The following NRTN variants were observed in gnomAD, a reference collection of about 807,000 sequenced individuals.
The protein encoded by NRTN is prepro-neurturin.
In NRTN, 3 loss-of-function variants were observed where a neutral mutation model predicts 7.5. The observed-to-expected ratio is 0.40, with a 90% CI of 0.18 to 1.03. The LOEUF (loss-of-function observed/expected upper bound fraction) is 1.03. Among genes scored for constraint, NRTN ranks in the 50% least tolerant of loss-of-function variants. The probability of loss-of-function intolerance (pLI) is 0.34; values close to 1 mark genes in which losing one functional copy is unlikely to be tolerated. For missense variants in NRTN, 310 were observed against 307.0 expected, an observed-to-expected ratio of 1.01 and a Z score of -0.07; for synonymous variants, 157 against 146.6, an observed-to-expected ratio of 1.07 and a Z score of -0.51.
intron 1 of NRTN, among the ~76,000 whole-genome samples, chr19:5,816,367 C>T (rs2057005220): frequency 6.6e-6 from 1 of 152,078 alleles, no homozygotes; most frequent in African/African-American, 2.4e-5. Flanking sequence ...TTTCTCTTCT[C>T]ATCTTCTTTT....
At chr19:5,808,091 A>G (rs1242042360) in intron 1 of NRTN, among the ~76,000 whole-genome samples, 3 of 152,136 alleles carry the variant, frequency 2.0e-5, no homozygotes, top group Non-Finnish European at 4.4e-5. Context: ...TCAAAAGAAG[A>G]AAGACAAGAT....
Position 5,824,286 on chromosome 19 carries a change from C to T in NRTN, c.121C>T (p.His41Tyr). ...HRLGPALVPL[H>Y]RLPRTLDARI... is the part of the protein sequence containing the mutation. ...CCTCGGACCTGCGCTGGTCCCCCTG[C>T]ACCGCCTGCCTCGAACCCTGGACGC... is the stretch of plus-strand genomic sequence containing the variant. The change falls in exon 2 of 3, where the codon CAC becomes TAC. Residue 41 changes from histidine to tyrosine, a missense_variant. By Grantham distance (83) the His-to-Tyr change is moderately conservative (BLOSUM62 2). Coordinates refer to ENST00000303212, the MANE Select transcript of NRTN (RefSeq NM_004558.5). The T allele has an allele frequency of 6.2e-7, 1 of 1,609,578 alleles. No individual in the cohort carries two copies. Among genetic ancestry groups the T allele is most frequent in the South Asian group, 1.1e-5 (1 of 90,546 alleles).
At position 5,824,008 on chromosome 19, in the gene NRTN, G is replaced by T. The variant is rs2144766976; in HGVS notation, c.-158G>T. ...AGGCCAACCCCTTCCTTGTTCAATGGTTCCTTGAGGGACCATTCCCATGTG... is the reference window on the plus strand; with the variant it reads ...AGGCCAACCCCTTCCTTGTTCAATGTTTCCTTGAGGGACCATTCCCATGTG... On this transcript the variant is annotated 5_prime_UTR_variant, in exon 2 of 3. Transcript: ENST00000303212. 1.0e-6 allele frequency: 1 copy of T among 994,312 alleles called. No homozygotes were observed. The highest frequency in any genetic ancestry group is 1.5e-6 in the Non-Finnish European group (1 of 662,568). The allele number at this position is 994,312 out of a possible 1,614,324, so 61.6% of individuals were successfully genotyped here. A position where few individuals can be genotyped will look rare whatever the true frequency, so the allele number is the denominator to read the frequency against.
At chr19:5,812,356 C>T (rs1385535198) in intron 1 of NRTN, among the ~76,000 whole-genome samples, 2 of 152,118 alleles carry the variant, frequency 1.3e-5, no homozygotes, top group Non-Finnish European at 2.9e-5. Context: ...AGGAAGCCAG[C>T]GATAGTTCTA....
rs746981059 is a variant in NRTN, at chr19:5,824,269, C to G, written c.104C>G (p.Pro35Arg). The change falls in exon 2 of 3, where the codon CCT becomes CGT. Residue 35 changes from proline to arginine, a missense_variant. Transcript: ENST00000303212. ...EGLLLSHRLGPALVPLHRLPR... is the reference protein window; with the variant it reads ...EGLLLSHRLGRALVPLHRLPR... Reference sequence around the variant, plus strand: ...CTGCTTCTCAGCCACCGCCTCGGACCTGCGCTGGTCCCCCTGCACCGCCTG... The same window carrying G: ...CTGCTTCTCAGCCACCGCCTCGGACGTGCGCTGGTCCCCCTGCACCGCCTG... 7 of 1,610,886 alleles carry G rather than the reference C, an allele frequency of 4.3e-6. No individual in the cohort carries two copies. The Admixed American group carries it at 1.2e-4, about 27-fold the overall frequency.
chr19:5,817,825 A>C (rs891443139), intron 1 of NRTN, among the ~76,000 whole-genome samples: 2 of 152,142 alleles, frequency 1.3e-5, no homozygotes. Flanking sequence ...TTCCAGACGG[A>C]GTCTTGCTCT....
In NRTN at chr19:5,828,302, T is replaced by G. The variant is rs2057057607; in HGVS notation, c.*129T>G. The stretch of plus-strand genomic sequence containing the variant: ...CCCGGGACTCTCGCGATAACTGTAC[T>G]GAGATAAAGTGTGGCAACTCGAGCT... On this transcript the variant is annotated 3_prime_UTR_variant, in exon 3 of 3. Transcript: ENST00000303212. 3 of 1,026,294 alleles carry G rather than the reference T, an allele frequency of 2.9e-6. No homozygotes were observed. Among genetic ancestry groups the G allele is most frequent in the African/African-American group, 1.7e-5 (1 of 58,968 alleles). The allele number at this position is 1,026,294 out of a possible 1,614,324, so 63.6% of individuals were successfully genotyped here.
intron 2 of NRTN, among the ~76,000 whole-genome samples, chr19:5,825,995 C>T (rs577554598): frequency 9.9e-5 from 15 of 152,186 alleles, no homozygotes; most frequent in African/African-American, 3.4e-4. Context: ...ATTAGCCGGG[C>T]GTGGTGGCGG....
At chr19:5,825,491 T>A (rs974486315) in intron 2 of NRTN, among the ~76,000 whole-genome samples, 5 of 152,244 alleles carry the variant, frequency 3.3e-5, no homozygotes, top group Non-Finnish European at 5.9e-5. Context: ...AAGGGTGGCC[T>A]CCAGCACGAG....
chr19:5,805,438 G>A lies in NRTN; in HGVS notation c.-412G>A, dbSNP rs2056972332. ...CGCGGCCGCCACTGACGGGTAGTCC[G>A]GCGCCCACAGCAGGTAAGCAAGGGG... On this transcript the variant is annotated 5_prime_UTR_variant, in exon 1 of 3. Transcript: ENST00000303212. Among the ~76,000 whole-genome samples, 1 of 151,428 alleles carries A rather than the reference G, an allele frequency of 6.6e-6. No individual in the cohort carries two copies.
intron 1 of NRTN, among the ~76,000 whole-genome samples, chr19:5,815,349 G>A (rs1417403569): frequency 1.3e-5 from 2 of 151,914 alleles, no homozygotes; most frequent in African/African-American, 4.8e-5. Context: ...GTTCAAGTGT[G>A]TGTGTGTGTG....
At chr19:5,823,074 GA>G (rs74443193) in intron 1 of NRTN, among the ~76,000 whole-genome samples, 52,317 of 146,556 alleles carry the variant, frequency 0.36, 9,394 homozygotes, top group East Asian at 0.54. Context: ...GAAAGGAAGA[GA>G]AAAAGAAAGA....
intron 2 of NRTN, among the ~76,000 whole-genome samples, chr19:5,826,067 G>A (rs1265715757): frequency 6.6e-6 from 1 of 151,998 alleles, no homozygotes; most frequent in African/African-American, 2.4e-5. Flanking sequence ...CCCGGGAGGC[G>A]GAGCTTGCAG....
rs569464314 is a variant in NRTN, at chr19:5,815,727, C to T, written c.-398-8041C>T. Among the ~76,000 whole-genome samples the T allele has an allele frequency of 2.4e-3, 337 of 142,136 alleles. 2 individuals carry two copies. Among genetic ancestry groups the T allele is most frequent in the African/African-American group, 8.4e-3 (319 of 38,150 alleles). 93.2% of individuals were successfully genotyped at this position (142,136 alleles called of 152,430 possible). A position where few individuals can be genotyped will look rare whatever the true frequency, so the allele number is the denominator to read the frequency against. The stretch of plus-strand genomic sequence containing the variant: ...CTGGGATTACAGACGTGAGCCACCG[C>T]GCCCGGCCTGTTTTTTTTTTTTTTT... On this transcript the variant is annotated intron_variant, in intron 1 of 2. Coordinates refer to ENST00000303212, the MANE Select transcript of NRTN (RefSeq NM_004558.5).
Position 5,828,021 on chromosome 19 carries a change from C to A in NRTN, c.442C>A (p.Leu148Met). The A allele has an allele frequency of 7.0e-7, 1 of 1,428,444 alleles. No individual in the cohort carries two copies. Among genetic ancestry groups the A allele is most frequent in the Non-Finnish European group, 9.1e-7 (1 of 1,099,110 alleles). The allele number at this position is 1,428,444 out of a possible 1,614,324, so 88.5% of individuals were successfully genotyped here. A position where few individuals can be genotyped will look rare whatever the true frequency, so the allele number is the denominator to read the frequency against. ...CGTCTACGACCTCGGGCTGCGACGA[C>A]TGCGCCAGCGGCGGCGCCTGCGGCG... is the stretch of plus-strand genomic sequence containing the variant. ...ARVYDLGLRRLRQRRRLRRER... is the reference protein window; with the variant it reads ...ARVYDLGLRRMRQRRRLRRER... Residue 148 changes from leucine to methionine, a missense_variant, in exon 3 of 3, where the codon CTG becomes ATG. Transcript: ENST00000303212.
intron 1 of NRTN, among the ~76,000 whole-genome samples, chr19:5,817,011 T>G (rs2057007104): frequency 6.6e-6 from 1 of 152,104 alleles, no homozygotes; most frequent in African/African-American, 2.4e-5. Flanking sequence ...TGGAAACATC[T>G]GAGTATGCAT....
At position 5,823,796 on chromosome 19, in the gene NRTN, C is replaced by T. The variant is rs865879109; in HGVS notation, c.-370C>T. 1.6e-4 allele frequency: 61 copies of T among 384,826 alleles called. 1 individual carries two copies. The Middle Eastern group carries it at 2.4e-3, about 15-fold the overall frequency. 23.8% of individuals were successfully genotyped at this position (384,826 alleles called of 1,614,324 possible). A position where few individuals can be genotyped will look rare whatever the true frequency, so the allele number is the denominator to read the frequency against. ...CAGCCGCTCCGGCCTCCTTGCTGTT[C>T]CTGGGATACGCCACACTCAGTCTGG... On this transcript the variant is annotated 5_prime_UTR_variant, in exon 2 of 3. Coordinates refer to ENST00000303212, the MANE Select transcript of NRTN (RefSeq NM_004558.5).
intron 1 of NRTN, among the ~76,000 whole-genome samples, chr19:5,811,868 A>G (rs1206201425): frequency 6.9e-6 from 1 of 145,770 alleles, no homozygotes; most frequent in Admixed American, 6.9e-5. Flanking sequence ...TATTATTATT[A>G]TTTTATTTAT....
intron 1 of NRTN, among the ~76,000 whole-genome samples, chr19:5,811,853 G>A (rs2056991576): frequency 6.7e-6 from 1 of 150,348 alleles, no homozygotes; most frequent in Non-Finnish European, 1.5e-5. Flanking sequence ...ACCCGGCCCA[G>A]TTATTATTAT....
Sources: gnomAD v4.1 joint callset for allele counts (sites outside exome capture counted in the v4.1 genomes callset) on GRCh38, gnomAD v4.1.1 for gene constraint, MANE v1.5 for transcripts, NCBI Gene and HGNC (gene_info 2026-07-23, HGNC 2026-07-21) for gene names.